The following RANBP2 variants were observed in gnomAD, a reference collection of about 807,000 sequenced individuals.
The protein encoded by RANBP2 is E3 SUMO-protein ligase RanBP2.
RANBP2 carries 57 observed loss-of-function variants against 303.6 expected under a neutral mutation model. That is an observed-to-expected ratio of 0.19 (90% CI 0.15 to 0.23). The LOEUF (loss-of-function observed/expected upper bound fraction) is 0.23, where lower values mean the gene tolerates loss of function less well. RANBP2 is among the 10% of genes least tolerant of loss of function. RANBP2 has a pLI of 1.00. For synonymous variants in RANBP2, 1,167 were observed against 1,301.5 expected (o/e 0.90, Z 2.23); for missense variants, 3,138 against 3,780.8 (o/e 0.83, Z 4.46).
the RANBP2 span, chr2:108,816,052 C>A: frequency 1.3e-5 from 21 of 1,613,348 alleles, no homozygotes; most frequent in African/African-American, 9.4e-5. Context: ...TGGTAAAAAA[C>A]CACAACTCAA....
At chr2:108,824,604 T>A in the RANBP2 span, among the ~76,000 whole-genome samples, 200 of 152,240 alleles carry the variant, frequency 1.3e-3, no homozygotes, top group Admixed American at 4.0e-3. Context: ...AACTTTTTTT[T>A]AAAAAAATAA....
the RANBP2 span, among the ~76,000 whole-genome samples, chr2:109,260,459 C>T: frequency 6.6e-6 from 1 of 152,330 alleles, no homozygotes; most frequent in South Asian, 2.1e-4. Context: ...AAAGCATCTG[C>T]CTCCCAGTGG....
the RANBP2 span, among the ~76,000 whole-genome samples, chr2:109,592,778 TAA>T: frequency 3.0e-5 from 4 of 132,530 alleles, no homozygotes; most frequent in African/African-American, 2.8e-5. Flanking sequence ...AGACTCTGTC[TAA>T]AAAAAAAAAA....
At chr2:108,983,938 G>T in the RANBP2 span, among the ~76,000 whole-genome samples, 1 of 152,230 alleles carries the variant, frequency 6.6e-6, no homozygotes, top group Admixed American at 6.5e-5. Flanking sequence ...AGCGAGTGCA[G>T]CTGGCCAGTG....
the RANBP2 span, among the ~76,000 whole-genome samples, chr2:109,054,196 C>T: frequency 6.6e-6 from 1 of 152,140 alleles, no homozygotes; most frequent in African/African-American, 2.4e-5. Context: ...CCCCTTCCCT[C>T]GTTAACAGAC....
At chr2:109,031,623 C>T in the RANBP2 span, among the ~76,000 whole-genome samples, 2 of 152,122 alleles carry the variant, frequency 1.3e-5, no homozygotes, top group Non-Finnish European at 2.9e-5. Flanking sequence ...GCTGTGTGCA[C>T]CCCCTGCAGC....
At chr2:109,262,898 T>C in the RANBP2 span, among the ~76,000 whole-genome samples, 1 of 152,158 alleles carries the variant, frequency 6.6e-6, no homozygotes, top group Non-Finnish European at 1.5e-5. Flanking sequence ...AGTGGCATGA[T>C]CTTGGCTCAC....
At chr2:109,717,272 C>CAAAAAAAAAAAAAAAAAAAAACA in the RANBP2 span, among the ~76,000 whole-genome samples, 1 of 124,796 alleles carries the variant, frequency 8.0e-6, no homozygotes, top group Non-Finnish European at 1.6e-5. Flanking sequence ...AAAAACAAAC[C>CAAAAAAAAAAAAAAAAAAAAACA]AAAAAAAAAA....
the RANBP2 span, among the ~76,000 whole-genome samples, chr2:109,532,949 C>T: frequency 6.6e-6 from 1 of 152,198 alleles, no homozygotes; most frequent in African/African-American, 2.4e-5. Context: ...AATAAACACT[C>T]ACTGGCCAGG....
the RANBP2 span, among the ~76,000 whole-genome samples, chr2:109,470,040 G>T: frequency 6.6e-6 from 1 of 152,140 alleles, no homozygotes; most frequent in African/African-American, 2.4e-5. Flanking sequence ...CGTGCGTCCT[G>T]TCTGAGGGTT....
the RANBP2 span, among the ~76,000 whole-genome samples, chr2:108,920,786 A>G: frequency 6.6e-6 from 1 of 152,208 alleles, no homozygotes; most frequent in Non-Finnish European, 1.5e-5. Flanking sequence ...CACCACATTA[A>G]TTAACGCCCT....
At chr2:109,089,589 G>A in the RANBP2 span, among the ~76,000 whole-genome samples, 1 of 152,284 alleles carries the variant, frequency 6.6e-6, no homozygotes, top group South Asian at 2.1e-4. Context: ...CTGGGCGACA[G>A]AGCAAGACCT....
At chr2:109,490,704 G>A in the RANBP2 span, 1 of 1,533,580 alleles carries the variant, frequency 6.5e-7, no homozygotes, top group Non-Finnish European at 8.7e-7. Flanking sequence ...CGACCCCCAG[G>A]TGGCCGTGGA....
the RANBP2 span, among the ~76,000 whole-genome samples, chr2:109,654,322 A>G: frequency 6.6e-5 from 10 of 151,934 alleles, no homozygotes; most frequent in Admixed American, 2.0e-4. Context: ...TTTGGGGTCT[A>G]GTCCTCTGCT....
chr2:108,777,140 G>C lies in RANBP2; in HGVS notation c.8508G>C (p.Lys2836Asn). The part of the protein sequence containing the change: ...DTDSTSQGES[K>N]IVSFGFGSST... ...TTTTTCTTTTGCCAGGGGAAAGCAA[G>C]ATAGTTTCATTTGGATTTGGAAGTA... is the stretch of plus-strand genomic sequence containing the variant. Residue 2836 changes from lysine (K) to asparagine (N), a missense_variant, in exon 25 of 29, where the codon AAG becomes AAC. Coordinates refer to ENST00000283195, the MANE Select transcript of RANBP2 (RefSeq NM_006267.5). 6.2e-7 allele frequency: 1 copy of C among 1,613,246 alleles called. No homozygotes were observed. The highest frequency in any genetic ancestry group is 8.5e-7 in the Non-Finnish European group (1 of 1,179,442).
chr2:109,526,074 A>G, the RANBP2 span, among the ~76,000 whole-genome samples: 2 of 152,100 alleles, frequency 1.3e-5, no homozygotes, highest in Non-Finnish European at 2.9e-5. Flanking sequence ...GGCCCCTGAC[A>G]CACGCCCACA....
At chr2:109,501,052 T>C in the RANBP2 span, among the ~76,000 whole-genome samples, 1 of 152,308 alleles carries the variant, frequency 6.6e-6, no homozygotes. Flanking sequence ...GAGCGTGCTT[T>C]TCAGAGGAAC....
the RANBP2 span, among the ~76,000 whole-genome samples, chr2:109,334,999 C>T: frequency 7.9e-5 from 12 of 152,370 alleles, no homozygotes; most frequent in Admixed American, 3.3e-4. Context: ...TCTGAGAACG[C>T]GATTTATGTC....
the RANBP2 span, among the ~76,000 whole-genome samples, chr2:108,866,737 G>T: frequency 6.6e-6 from 1 of 152,084 alleles, no homozygotes; most frequent in Non-Finnish European, 1.5e-5. Context: ...ACAAACATTA[G>T]CTGGACGCGG....
Sources: allele counts gnomAD v4.1 joint callset (sites outside exome capture counted in the v4.1 genomes callset), GRCh38; gene constraint gnomAD v4.1.1; transcripts MANE v1.5; gene names NCBI Gene and HGNC (gene_info 2026-07-23, HGNC 2026-07-21).